The following NEURL4 variants were observed in gnomAD, a reference collection of about 807,000 sequenced individuals.
NEURL4 encodes the protein neuralized E3 ubiquitin protein ligase 4.
In NEURL4, 45 loss-of-function variants were observed where a neutral mutation model predicts 148.0. That is an observed-to-expected ratio of 0.30 (90% confidence interval 0.24 to 0.39). The LOEUF is 0.39. NEURL4 is among the 10% of genes least tolerant of loss of function. The pLI is 1.00. For missense variants in NEURL4, 1,776 were observed against 2,144.0 expected (o/e 0.83, Z 3.39); for synonymous variants, 854 against 869.0 (o/e 0.98, Z 0.30).
chr17:7,318,997 C>T lies in NEURL4; in HGVS notation c.3684+53G>A. 1.3e-6 allele frequency: 2 copies of T among 1,537,168 alleles called. No homozygotes were observed. Among genetic ancestry groups the T allele is most frequent in the African/African-American group, 1.4e-5 (1 of 72,474 alleles). ...GGGCCCACTTCTCCCTTCTGGCCAG[C>T]CCTTCTCTACTCACAGGCCTGGTCC... On this transcript the variant is annotated intron_variant, in intron 22 of 28. Coordinates refer to ENST00000399464, the MANE Select transcript of NEURL4 (RefSeq NM_032442.3). This position sits in a 1 kb window ranked among gnomAD's most constrained non-coding sequence, Gnocchi z 4.3.
intron 8 of NEURL4, 49 bp downstream of exon 8, chr17:7,325,160 C>CAT (rs769595282): frequency 1.3e-6 from 1 of 763,148 alleles, no homozygotes; most frequent in Non-Finnish European, 2.1e-6. Context: ...GCCCCCCCCC[C>CAT]CCCATTAGAA....
Position 7,327,261 on chromosome 17 carries a change from A to G in NEURL4, c.728-31T>C. The stretch of plus-strand genomic sequence containing the variant: ...GACCAGGTGGGATGGGAGGGGAATA[A>G]GGGTTCAGTCCCTGCTTCACGGCCC... On this transcript the variant is annotated intron_variant, in intron 2 of 28. Transcript: ENST00000399464. This position sits in a 1 kb window ranked among gnomAD's most constrained non-coding sequence, Gnocchi z 6.6. 3.8e-6 allele frequency: 6 copies of G among 1,585,904 alleles called. No individual in the cohort carries two copies. The highest frequency in any genetic ancestry group is 5.1e-6 in the Non-Finnish European group (6 of 1,167,046).
rs2073075338 is a variant in NEURL4 at position 7,324,440 on chromosome 17, C to T, written c.1854G>A (p.Gly618=). Residue 618 remains glycine, a synonymous_variant, in exon 10 of 29, where the codon GGG becomes GGA. Coordinates refer to ENST00000399464, the MANE Select transcript of NEURL4 (RefSeq NM_032442.3). This position sits in a 1 kb window ranked among gnomAD's most constrained non-coding sequence, Gnocchi z 5.9. ...MMTGNGVMHN[G]TTILDEYGHN... Reference sequence around the variant, plus strand: ...GCCCGTATTCATCCAGGATGGTCGTCCCATTGTGCATCACCCCATTCCCAG... The same window carrying T: ...GCCCGTATTCATCCAGGATGGTCGTTCCATTGTGCATCACCCCATTCCCAG... 1.9e-6 allele frequency: 3 copies of T among 1,614,064 alleles called. No homozygotes were observed. The highest frequency in any genetic ancestry group is 1.7e-6 in the Non-Finnish European group (2 of 1,180,008).
Position 7,321,472 on chromosome 17 carries a change from T to A in NEURL4, c.3100-13A>T. On this transcript the variant is annotated splice_polypyrimidine_tract_variant and intron_variant, in intron 18 of 28. Coordinates refer to ENST00000399464, the MANE Select transcript of NEURL4 (RefSeq NM_032442.3). This position sits in a 1 kb window ranked among gnomAD's most constrained non-coding sequence, Gnocchi z 6.3. ...CACGGCTCCCCACCTAGGACCGAGG[T>A]AGGACAAGGACGGACGATGTTCAGC... The A allele has an allele frequency of 6.2e-7, 1 of 1,613,532 alleles. No individual in the cohort carries two copies. Among genetic ancestry groups the A allele is most frequent in the Non-Finnish European group, 8.5e-7 (1 of 1,179,820 alleles).
rs1421540957 is a variant in NEURL4, at chr17:7,317,499, G to A, written c.4280C>T (p.Ala1427Val). The change falls in exon 27 of 29, where the codon GCT (alanine) becomes GTT (valine). Residue 1427 changes from alanine (A) to valine (V), a missense_variant. Ala to Val is a moderately conservative substitution (Grantham distance 64). Transcript: ENST00000399464. ...HMAYHGSNVA[A>V]VRRVLDRGEL... is the part of the protein sequence containing the mutation. Reference sequence around the variant, plus strand: ...CCCTCGGTCCAGCACTCTCCGTACAGCGGCAACATTGCTCCCGTGATATGC... The same window carrying A: ...CCCTCGGTCCAGCACTCTCCGTACAACGGCAACATTGCTCCCGTGATATGC... 13 of 1,614,194 alleles carry A rather than the reference G, an allele frequency of 8.1e-6. No individual in the cohort carries two copies. Among genetic ancestry groups the A allele is most frequent in the Non-Finnish European group, 1.1e-5 (13 of 1,180,026 alleles).
Position 7,317,205 on chromosome 17 carries a change from TG to T in NEURL4, c.4483del (p.Gln1495AsnfsTer71). 2 of 1,508,530 alleles carry T rather than the reference TG, an allele frequency of 1.3e-6. No homozygotes were observed. The highest frequency in any genetic ancestry group is 1.8e-6 in the Non-Finnish European group (2 of 1,131,096). The allele number at this position is 1,508,530 out of a possible 1,614,324, so 93.4% of individuals were successfully genotyped here. On this transcript the variant is annotated frameshift_variant and splice_region_variant, in exon 28 of 29. Coordinates refer to ENST00000399464, the MANE Select transcript of NEURL4 (RefSeq NM_032442.3). LOFTEE classifies it high-confidence loss of function. ...TCTCCCCACCCCTCCCAGTACTCAC[TG>T]CACTTTGGAGGCCAGGGTCTCCGCC... ...AGAETLASKV[Q>X]FRDPKSQRTH... is the part of the protein sequence containing the mutation.
chr17:7,325,160 C>CTT lies in NEURL4; in HGVS notation c.1631+48_1631+49insAA, dbSNP rs769595282. On this transcript the variant is annotated intron_variant, in intron 8 of 28. Transcript: ENST00000399464. Reference sequence around the variant, plus strand: ...CCACTTCCTTGCCCCGCCCCCCCCCCCCCATTAGAATCCCTTCTTCAGGCT... The same window carrying CTT: ...CCACTTCCTTGCCCCGCCCCCCCCCCTTCCCATTAGAATCCCTTCTTCAGGCT... 1.8e-4 allele frequency: 136 copies of CTT among 763,654 alleles called. 1 individual carries two copies. In the East Asian group the frequency reaches 3.7e-3, roughly 21 times the overall value. 47.3% of individuals were successfully genotyped at this position (763,654 alleles called of 1,614,324 possible). A position where few individuals can be genotyped will look rare whatever the true frequency, so the allele number is the denominator to read the frequency against.
Position 7,321,296 on chromosome 17 carries a change from A to T in NEURL4, c.3199-23T>A, listed in dbSNP as rs1454638150. On this transcript the variant is annotated intron_variant, in intron 19 of 28. Transcript: ENST00000399464. The surrounding 1 kb of genome is among the most constrained non-coding windows in gnomAD (Gnocchi z 6.3). ...GTTCTGGGAGGCACACAAGACCCAG[A>T]AAATCAGAGATCAGCAGAAGACCTC... is the stretch of plus-strand genomic sequence containing the variant. The T allele has an allele frequency of 1.9e-6, 3 of 1,613,144 alleles. No homozygotes were observed. The highest frequency in any genetic ancestry group is 1.7e-6 in the Non-Finnish European group (2 of 1,179,270).
chr17:7,324,609 C>T lies in NEURL4; in HGVS notation c.1814-129G>A, dbSNP rs1451449409. ...TTTTCTTTGATGACTAGATTTCTTC[C>T]CTGAGCAGGACAAGAAAACTCTGCA... On this transcript the variant is annotated intron_variant, in intron 9 of 28. Transcript: ENST00000399464. The surrounding 1 kb of genome is among the most constrained non-coding windows in gnomAD (Gnocchi z 5.9). 3 of 1,088,316 alleles carry T rather than the reference C, an allele frequency of 2.8e-6. No individual in the cohort carries two copies. In the African/African-American group the frequency reaches 4.7e-5, roughly 17 times the overall value. The allele number at this position is 1,088,316 out of a possible 1,614,324, so 67.4% of individuals were successfully genotyped here.
At position 7,327,065 on chromosome 17, in the gene NEURL4, C is replaced by T; in HGVS notation, c.794-56G>A. Reference sequence around the variant, plus strand: ...GGAAGTTGGGATGAGGCTCTACACCCCCAGACCTGGTGCCTCTCTCCCTAC... The same window carrying T: ...GGAAGTTGGGATGAGGCTCTACACCTCCAGACCTGGTGCCTCTCTCCCTAC... On this transcript the variant is annotated intron_variant, in intron 3 of 28. Coordinates refer to ENST00000399464, the MANE Select transcript of NEURL4 (RefSeq NM_032442.3). This position sits in a 1 kb window ranked among gnomAD's most constrained non-coding sequence, Gnocchi z 6.6. The T allele has an allele frequency of 1.2e-6, 2 of 1,600,994 alleles. No individual in the cohort carries two copies. Among genetic ancestry groups the T allele is most frequent in the Non-Finnish European group, 1.7e-6 (2 of 1,175,870 alleles).
rs943981778 is a variant in NEURL4, at chr17:7,322,122, G to C, written c.2726-112C>G. 2 of 1,211,030 alleles carry C rather than the reference G, an allele frequency of 1.7e-6. No individual in the cohort carries two copies. The highest frequency in any genetic ancestry group is 4.6e-5 in the Admixed American group (2 of 43,384). 75.0% of individuals were successfully genotyped at this position (1,211,030 alleles called of 1,614,324 possible). A position where few individuals can be genotyped will look rare whatever the true frequency, so the allele number is the denominator to read the frequency against. ...AAATGGGGATGCCAACGCCCCATCTGCCATCTGCCATTACACCTCAGGGCC... is the reference window on the plus strand; with the variant it reads ...AAATGGGGATGCCAACGCCCCATCTCCCATCTGCCATTACACCTCAGGGCC... On this transcript the variant is annotated intron_variant, in intron 16 of 28. Transcript: ENST00000399464. The surrounding 1 kb of genome is among the most constrained non-coding windows in gnomAD (Gnocchi z 5.5).
intron 21 of NEURL4, among the ~76,000 whole-genome samples, chr17:7,320,128 C>A (rs1254161078): frequency 6.6e-6 from 1 of 151,726 alleles, no homozygotes; most frequent in Non-Finnish European, 1.5e-5. Flanking sequence ...CTGAGCCTGG[C>A]CTTTTTTTCT....
chr17:7,321,010 G>A lies in NEURL4; in HGVS notation c.3361-87C>T. On this transcript the variant is annotated intron_variant, in intron 20 of 28. Coordinates refer to ENST00000399464, the MANE Select transcript of NEURL4 (RefSeq NM_032442.3). This position sits in a 1 kb window ranked among gnomAD's most constrained non-coding sequence, Gnocchi z 6.3. ...TGGAGTTTGCACAGATCCTGAGTGT[G>A]AGCCTCCACCCAACGATCAGAGAAC... The A allele has an allele frequency of 6.3e-7, 1 of 1,591,482 alleles. No individual in the cohort carries two copies. The highest frequency in any genetic ancestry group is 1.1e-5 in the South Asian group (1 of 89,366).
At position 7,318,701 on chromosome 17, in the gene NEURL4, A is replaced by G. The variant is rs1357306133; in HGVS notation, c.3685-27T>C. On this transcript the variant is annotated intron_variant, in intron 22 of 28. Transcript: ENST00000399464. The surrounding 1 kb of genome is among the most constrained non-coding windows in gnomAD (Gnocchi z 4.3). ...TGGGAGGAGAGACCGGCTGTCTTCCAGAGGTCAGACTCCACCGCGGCAGCT... is the reference window on the plus strand; with the variant it reads ...TGGGAGGAGAGACCGGCTGTCTTCCGGAGGTCAGACTCCACCGCGGCAGCT... 1 of 1,588,144 alleles carries G rather than the reference A, an allele frequency of 6.3e-7. No individual in the cohort carries two copies. Among genetic ancestry groups the G allele is most frequent in the Non-Finnish European group, 8.6e-7 (1 of 1,165,302 alleles).
rs370215902 is a variant in NEURL4, at chr17:7,316,246, C to T, written c.4566G>A (p.Pro1522=). ...QVCVRPGSYT[P]GPPSAALGEP... ...CTCCAAGGGCAGCGGAAGGGGGTCC[C>T]GGGGTGTAGGAGCCAGGGCGCACAC... Residue 1522 remains proline (P), a synonymous_variant, in exon 29 of 29, where the codon CCG becomes CCA. Transcript: ENST00000399464. The T allele has an allele frequency of 7.4e-6, 12 of 1,613,846 alleles. No homozygotes were observed. The African/African-American group carries it at 1.1e-4, about 14-fold the overall frequency.
Position 7,325,431 on chromosome 17 carries a change from A to C in NEURL4, c.1409T>G (p.Val470Gly), listed in dbSNP as rs1318691037. 1 of 1,612,630 alleles carries C rather than the reference A, an allele frequency of 6.2e-7. No homozygotes were observed. Among genetic ancestry groups the C allele is most frequent in the Non-Finnish European group, 8.5e-7 (1 of 1,179,954 alleles). The change falls in exon 8 of 29, where the codon GTG becomes GGG. Residue 470 changes from valine to glycine, a missense_variant. Val to Gly is a moderately radical substitution (Grantham distance 109). Coordinates refer to ENST00000399464, the MANE Select transcript of NEURL4 (RefSeq NM_032442.3). ...PLTPPVVYGV[V>G]DLYGMAVKVT... is the part of the protein sequence containing the mutation. Reference sequence around the variant, plus strand: ...CTTCACTGCCATCCCGTACAAGTCCACCACACCATACACCACTGGGGGCGT... The same window carrying C: ...CTTCACTGCCATCCCGTACAAGTCCCCCACACCATACACCACTGGGGGCGT...
At position 7,319,417 on chromosome 17, in the gene NEURL4, G is replaced by A. The variant is rs1240818536; in HGVS notation, c.3526-209C>T. Among the ~76,000 whole-genome samples the A allele has an allele frequency of 3.7e-5, 4 of 107,482 alleles. 1 individual carries two copies. The highest frequency in any genetic ancestry group is 2.1e-4 in the Admixed American group (2 of 9,516). 70.5% of individuals were successfully genotyped at this position (107,482 alleles called of 152,430 possible). On this transcript the variant is annotated intron_variant, in intron 21 of 28. Coordinates refer to ENST00000399464, the MANE Select transcript of NEURL4 (RefSeq NM_032442.3). ...TTTTTTTTTTTTAAAAAAAAGAACC[G>A]CCAGCCGGGCATGGTGACCCACACT...
In NEURL4 at chr17:7,324,627, ACT is replaced by A; in HGVS notation, c.1814-149_1814-148del. On this transcript the variant is annotated intron_variant, in intron 9 of 28. Transcript: ENST00000399464. The surrounding 1 kb of genome is among the most constrained non-coding windows in gnomAD (Gnocchi z 5.9). ...TTTCTTCCCTGAGCAGGACAAGAAA[ACT>A]CTGCAGCTTCCAAGACAGCCACAGC... 1 of 1,064,168 alleles carries A rather than the reference ACT, an allele frequency of 9.4e-7. No homozygotes were observed. The highest frequency in any genetic ancestry group is 2.3e-5 in the Admixed American group (1 of 43,492). 65.9% of individuals were successfully genotyped at this position (1,064,168 alleles called of 1,614,324 possible). A position where few individuals can be genotyped will look rare whatever the true frequency, so the allele number is the denominator to read the frequency against.
Position 7,318,459 on chromosome 17 carries a change from C to T in NEURL4, c.3864+36G>A, listed in dbSNP as rs1335958827. 1 of 1,602,868 alleles carries T rather than the reference C, an allele frequency of 6.2e-7. No homozygotes were observed. The highest frequency in any genetic ancestry group is 1.3e-5 in the African/African-American group (1 of 74,746). On this transcript the variant is annotated intron_variant, in intron 23 of 28. Coordinates refer to ENST00000399464, the MANE Select transcript of NEURL4 (RefSeq NM_032442.3). The surrounding 1 kb of genome is among the most constrained non-coding windows in gnomAD (Gnocchi z 4.3). ...CCCTGTCCTGGACAGCGCAGACTCT[C>T]AGGCACCCCTCCTCCCTGCCCCCAC...
Sources: allele counts gnomAD v4.1 joint callset (sites outside exome capture counted in the v4.1 genomes callset), GRCh38; gene constraint gnomAD v4.1.1; non-coding constraint Gnocchi (gnomAD v3.1); transcripts MANE v1.5; gene names NCBI Gene and HGNC (gene_info 2026-07-23, HGNC 2026-07-21).